Variants in GXYLT2 observed in about 807,000 individuals in gnomAD.
GXYLT2 encodes glycosyltransferase 8 domain containing 4.
Under a neutral mutation model 45.8 loss-of-function variants are expected in GXYLT2, and 53 were observed. That is an observed-to-expected ratio of 1.16 (90% CI 0.93 to 1.46). The LOEUF (loss-of-function observed/expected upper bound fraction) is 1.46. GXYLT2 is among the 40% of genes most tolerant of loss of function. GXYLT2 has a pLI of 0.00. For synonymous variants in GXYLT2, 219 were observed against 214.2 expected (o/e 1.02, Z -0.19); for missense variants, 551 against 544.4 (o/e 1.01, Z -0.12).
intron 2 of GXYLT2, among the ~76,000 whole-genome samples, chr3:72,913,106 C>A (rs1709664711): frequency 6.7e-6 from 1 of 149,394 alleles, no homozygotes. Context: ...GGCGCAATCT[C>A]GGCTCACTGC....
At chr3:72,958,942 C>CT (rs58201266) in intron 5 of GXYLT2, among the ~76,000 whole-genome samples, 23,261 of 137,948 alleles carry the variant, frequency 0.17, 2,967 homozygotes, top group East Asian at 0.41. Context: ...ATTTTTTTTT[C>CT]TTTTTTTTTT....
intron 3 of GXYLT2, among the ~76,000 whole-genome samples, chr3:72,947,445 A>G (rs1024536928): frequency 1.3e-5 from 2 of 152,170 alleles, no homozygotes; most frequent in African/African-American, 4.8e-5. Flanking sequence ...TTGGAGAGGT[A>G]GACGGAGTGT....
intron 1 of GXYLT2, among the ~76,000 whole-genome samples, chr3:72,889,499 T>A (rs1401914944): frequency 6.6e-6 from 1 of 152,220 alleles, no homozygotes; most frequent in Non-Finnish European, 1.5e-5. Context: ...TCAGCCTTTG[T>A]TTCCCTTCTG....
intron 2 of GXYLT2, among the ~76,000 whole-genome samples, chr3:72,915,354 T>TTGGG (rs71126805): frequency 2.7e-4 from 9 of 33,476 alleles, no homozygotes; most frequent in East Asian, 1.1e-3. Flanking sequence ...TTTTTTTTTT[T>TTGGG]GCGGGGGGGG....
intron 1 of GXYLT2, among the ~76,000 whole-genome samples, chr3:72,891,136 C>T (rs1039950108): frequency 6.6e-6 from 1 of 152,036 alleles, no homozygotes; most frequent in African/African-American, 2.4e-5. Context: ...GAGAAAGCCT[C>T]GTGTTTTCAG....
chr3:72,906,309 T>C (rs1209946541), intron 1 of GXYLT2, among the ~76,000 whole-genome samples: 1 of 151,990 alleles, frequency 6.6e-6, no homozygotes, highest in Non-Finnish European at 1.5e-5. Context: ...CGTGGCATGC[T>C]CCTCCCCCTA....
chr3:72,908,300 C>T (rs1321941590), intron 1 of GXYLT2, 67 bp from the exon 2 acceptor site: 80 of 1,153,030 alleles, frequency 6.9e-5, no homozygotes, highest in Non-Finnish European at 9.0e-5. Context: ...CATTCACTCG[C>T]CGGTTTTTTG....
At chr3:72,949,640 T>C (rs777230681) in intron 3 of GXYLT2, among the ~76,000 whole-genome samples, 6 of 149,984 alleles carry the variant, frequency 4.0e-5, no homozygotes, top group Non-Finnish European at 5.9e-5. Flanking sequence ...GCCTCCGGAG[T>C]AGCTGAGACC....
intron 5 of GXYLT2, 147 bp downstream of exon 5, chr3:72,957,499 G>A (rs1185545469): frequency 1.1e-5 from 8 of 753,094 alleles, no homozygotes; most frequent in South Asian, 2.3e-5. Context: ...CCTTTCATCC[G>A]CCCCCCTGGG....
intron 6 of GXYLT2, among the ~76,000 whole-genome samples, chr3:72,972,458 T>A (rs186522279): frequency 2.0e-5 from 3 of 151,714 alleles, no homozygotes; most frequent in Non-Finnish European, 4.4e-5. Context: ...CTGGCCAACA[T>A]GGTGAAACCC....
chr3:72,922,056 A>G (rs1709841301), intron 2 of GXYLT2, 148 bp from the exon 3 acceptor site: 2 of 673,938 alleles, frequency 3.0e-6, no homozygotes, highest in Non-Finnish European at 5.1e-6. Context: ...ATACTCTTTC[A>G]TTTAGTGAAC....
chr3:72,921,222 CA>C (rs1221494174), intron 2 of GXYLT2, among the ~76,000 whole-genome samples: 1 of 151,500 alleles, frequency 6.6e-6, no homozygotes, highest in African/African-American at 2.4e-5. Flanking sequence ...TTGCTTTTTC[CA>C]AAACCCAACT....
chr3:72,902,819 C>T (rs2107071170), intron 1 of GXYLT2, among the ~76,000 whole-genome samples: 1 of 152,208 alleles, frequency 6.6e-6, no homozygotes, highest in South Asian at 2.1e-4. Context: ...TTGAGACCAG[C>T]CTGGCCAAGA....
chr3:72,888,397 C>A lies in GXYLT2; in HGVS notation c.164C>A (p.Pro55Gln). The change falls in exon 1 of 7, where the codon CCG (proline) becomes CAG (glutamine). Residue 55 changes from proline to glutamine, a missense_variant. Coordinates refer to ENST00000389617, the MANE Select transcript of GXYLT2 (RefSeq NM_001080393.2). ...CCCGCGCCTGTCCCCGCGCGCTGGCCGGGGCCGGGCGCCCTCCCCGGGGCC... is the reference window on the plus strand; with the variant it reads ...CCCGCGCCTGTCCCCGCGCGCTGGCAGGGGCCGGGCGCCCTCCCCGGGGCC... ...RHPAPVPARW[P>Q]GPGALPGASP... 1 of 999,830 alleles carries A rather than the reference C, an allele frequency of 1.0e-6. No homozygotes were observed. The highest frequency in any genetic ancestry group is 4.5e-5 in the South Asian group (1 of 22,090). 61.9% of individuals were successfully genotyped at this position (999,830 alleles called of 1,614,324 possible).
chr3:72,901,435 G>A (rs1170628757), intron 1 of GXYLT2, among the ~76,000 whole-genome samples: 1 of 148,656 alleles, frequency 6.7e-6, no homozygotes, highest in South Asian at 2.1e-4. Flanking sequence ...CTGCACTCCA[G>A]CCTGGGCTAC....
intron 5 of GXYLT2, among the ~76,000 whole-genome samples, chr3:72,960,797 A>T (rs959946592): frequency 6.6e-5 from 10 of 152,192 alleles, no homozygotes; most frequent in African/African-American, 2.4e-4. Flanking sequence ...AACAAACTGT[A>T]TTTGAAAAAA....
At chr3:72,925,861 C>A (rs891203274) in intron 3 of GXYLT2, among the ~76,000 whole-genome samples, 1 of 152,132 alleles carries the variant, frequency 6.6e-6, no homozygotes, top group African/African-American at 2.4e-5. Flanking sequence ...TTATCTGCTT[C>A]TGATAATGGA....
At chr3:72,961,760 CAA>C (rs2107149166) in intron 5 of GXYLT2, among the ~76,000 whole-genome samples, 1 of 151,846 alleles carries the variant, frequency 6.6e-6, no homozygotes, top group South Asian at 2.1e-4. Flanking sequence ...TCTAGAAGGG[CAA>C]AGTCATGAGG....
At chr3:72,919,159 T>C (rs990552050) in intron 2 of GXYLT2, among the ~76,000 whole-genome samples, 16 of 152,224 alleles carry the variant, frequency 1.1e-4, no homozygotes, top group African/African-American at 3.9e-4. Flanking sequence ...TGAAAACTTA[T>C]GTCCACACAA....
Sources: allele counts gnomAD v4.1 joint callset (sites outside exome capture counted in the v4.1 genomes callset), GRCh38; gene constraint gnomAD v4.1.1; transcripts MANE v1.5; gene names NCBI Gene and HGNC (gene_info 2026-07-23, HGNC 2026-07-21).